The following GUCY2F variants were observed in gnomAD, a reference collection of about 807,000 sequenced individuals.
The protein encoded by GUCY2F is retinal guanylyl cyclase 2.
GUCY2F carries 61 observed loss-of-function variants against 73.1 expected under a neutral mutation model. That is an observed-to-expected ratio of 0.83 (90% CI 0.68 to 1.03). The LOEUF is 1.03. Among genes scored for constraint, GUCY2F ranks in the 50% least tolerant of loss-of-function variants. The probability of loss-of-function intolerance (pLI) is 0.00; values close to 1 mark genes in which losing one functional copy is unlikely to be tolerated. For synonymous variants in GUCY2F, 331 were observed against 307.8 expected (o/e 1.08, Z -0.79); for missense variants, 912 against 854.3 (o/e 1.07, Z -0.84).
In GUCY2F at chrX:109,385,474, T is replaced by C. The variant is rs111251532; in HGVS notation, c.2957-192A>G. On this transcript the variant is annotated intron_variant, in intron 15 of 19. Coordinates refer to ENST00000218006, the MANE Select transcript of GUCY2F (RefSeq NM_001522.3). ...CTACAAGAAAGCAAATTTATAACAA[T>C]GCAGACATGACTGCCCTTCTGATGT... 2.4e-3 allele frequency among the ~76,000 whole-genome samples: 267 copies of C among 112,581 alleles called. 6 individuals carry two copies. The East Asian group carries it at 0.053, about 22-fold the overall frequency.
At position 109,453,638 on chromosome X, in the gene GUCY2F, G is replaced by GA; in HGVS notation, c.1253dup (p.His419ProfsTer2). 1 of 1,200,451 alleles carries GA rather than the reference G, an allele frequency of 8.3e-7. No homozygotes were observed. The highest frequency in any genetic ancestry group is 3.0e-5 in the East Asian group (1 of 33,781). On this transcript the variant is annotated frameshift_variant, in exon 4 of 20. Transcript: ENST00000218006. LOFTEE classifies it high-confidence loss of function. ...CCATGTCCACAGTGTAGGTGCTATG[G>GA]AGTTCCCATTCTTTCAAGTTGGTGT...
chrX:109,416,620 C>A (rs1323358461), intron 8 of GUCY2F, among the ~76,000 whole-genome samples: 1 of 110,385 alleles, frequency 9.1e-6, no homozygotes, highest in Non-Finnish European at 1.9e-5. Context: ...GTGGTCAAAA[C>A]CTTTGTGAAT....
intron 14 of GUCY2F, 121 bp downstream of exon 14, chrX:109,391,790 T>C (rs775362909): frequency 3.2e-5 from 13 of 404,802 alleles, no homozygotes; most frequent in African/African-American, 3.1e-4. Context: ...GTGTACTATT[T>C]AATTTGTTAT....
rs151269049 is a variant in GUCY2F, at chrX:109,453,584, G to T, written c.1308C>A (p.Thr436=). Residue 436 remains threonine (T), a synonymous_variant, in exon 4 of 20, where the codon ACC becomes ACA. Coordinates refer to ENST00000218006, the MANE Select transcript of GUCY2F (RefSeq NM_001522.3). ...MEMELLRFGG[T]PIHFPGGRPP... Reference sequence around the variant, plus strand: ...GCCTGCCACCAGGGAAGTGAATAGGGGTCCCTCCGAAACGTAGCAGCTCCA... The same window carrying T: ...GCCTGCCACCAGGGAAGTGAATAGGTGTCCCTCCGAAACGTAGCAGCTCCA... 8.3e-7 allele frequency: 1 copy of T among 1,209,220 alleles called. No individual in the cohort carries two copies. Among genetic ancestry groups the T allele is most frequent in the Non-Finnish European group, 1.1e-6 (1 of 893,475 alleles).
chrX:109,395,441 A>G lies in GUCY2F; in HGVS notation c.2324T>C (p.Val775Ala), dbSNP rs1930683553. The change falls in exon 12 of 20, where the codon GTT becomes GCT. Residue 775 changes from valine (V) to alanine (A), a missense_variant. Val to Ala is a moderately conservative substitution (Grantham distance 64). Coordinates refer to ENST00000218006, the MANE Select transcript of GUCY2F (RefSeq NM_001522.3). ...TTCTGGAGGGGCATGCTCAGGAGGA[A>G]CTACTGGTCTGTACACAGGAGGAGG... Reference protein sequence around the residue: ...KKPPPVYRPVVPPEHAPPECL... With the variant: ...KKPPPVYRPVAPPEHAPPECL... The G allele has an allele frequency of 1.1e-5, 13 of 1,197,208 alleles. No individual in the cohort carries two copies. In the East Asian group the frequency reaches 3.6e-4, roughly 33 times the overall value.
intron 7 of GUCY2F, among the ~76,000 whole-genome samples, chrX:109,439,291 T>C (rs1323704750): frequency 9.0e-6 from 1 of 111,718 alleles, no homozygotes; most frequent in African/African-American, 3.3e-5. Flanking sequence ...AGTTTGACCC[T>C]CAAGGCCCCG....
rs190614976 is a variant in GUCY2F, at chrX:109,467,736, C to T, written c.731-2293G>A. ...ATCCTCTCAGTAGTGTGCTGGGGTTCGCTTTTGCTGGTTCAACTTTCAGAG... is the reference window on the plus strand; with the variant it reads ...ATCCTCTCAGTAGTGTGCTGGGGTTTGCTTTTGCTGGTTCAACTTTCAGAG... On this transcript the variant is annotated intron_variant, in intron 2 of 19. Coordinates refer to ENST00000218006, the MANE Select transcript of GUCY2F (RefSeq NM_001522.3). Among the ~76,000 whole-genome samples, 5 of 112,010 alleles carry T rather than the reference C, an allele frequency of 4.5e-5. No homozygotes were observed. In the East Asian group the frequency reaches 1.4e-3, roughly 32 times the overall value.
chrX:109,464,569 T>C (rs1195282617), intron 3 of GUCY2F, among the ~76,000 whole-genome samples: 1 of 111,965 alleles, frequency 8.9e-6, no homozygotes, highest in Non-Finnish European at 1.9e-5. Flanking sequence ...AAGAAGCAAA[T>C]GCTCTGCTGT....
intron 1 of GUCY2F, among the ~76,000 whole-genome samples, chrX:109,476,855 ATG>A (rs761161461): frequency 1.4e-4 from 15 of 109,670 alleles, no homozygotes; most frequent in African/African-American, 3.0e-4. Flanking sequence ...GTATATATGT[ATG>A]TGTGTGTGTG....
At chrX:109,380,221 T>G (rs923799604) in intron 17 of GUCY2F, among the ~76,000 whole-genome samples, 3 of 112,188 alleles carry the variant, frequency 2.7e-5, no homozygotes, top group Non-Finnish European at 5.6e-5. Flanking sequence ...ATGTGATATT[T>G]CTGCCCCATG....
intron 9 of GUCY2F, among the ~76,000 whole-genome samples, chrX:109,408,550 C>T (rs956059952): frequency 8.9e-6 from 1 of 112,183 alleles, no homozygotes; most frequent in Non-Finnish European, 1.9e-5. Flanking sequence ...GCTGTGTCCC[C>T]ACCCAAATCT....
intron 2 of GUCY2F, among the ~76,000 whole-genome samples, chrX:109,474,414 G>A (rs767330141): frequency 1.1e-3 from 128 of 111,614 alleles, no homozygotes; most frequent in South Asian, 2.2e-3. Flanking sequence ...ATAAGTGTGA[G>A]TAAAAGAGAT....
At position 109,404,313 on chromosome X, in the gene GUCY2F, C is replaced by A. The variant is rs752806807; in HGVS notation, c.2125+15G>T. On this transcript the variant is annotated intron_variant, in intron 10 of 19. Coordinates refer to ENST00000218006, the MANE Select transcript of GUCY2F (RefSeq NM_001522.3). The stretch of plus-strand genomic sequence containing the variant: ...TTACCTCGTGTGCATCAGAAGGGTA[C>A]AATTCATTGCTTACCTTCCATAGAA... The A allele has an allele frequency of 4.3e-6, 5 of 1,153,594 alleles. No homozygotes were observed. The highest frequency in any genetic ancestry group is 2.2e-5 in the Admixed American group (1 of 44,516).
chrX:109,383,071 G>A (rs1930355969), intron 16 of GUCY2F, among the ~76,000 whole-genome samples: 1 of 111,331 alleles, frequency 9.0e-6, no homozygotes, highest in Non-Finnish European at 1.9e-5. Context: ...GAGTAGGAAG[G>A]CATGGCGGGA....
chrX:109,395,514 G>A lies in GUCY2F; in HGVS notation c.2276-25C>T, dbSNP rs183734235. 474 of 1,162,606 alleles carry A rather than the reference G, an allele frequency of 4.1e-4. 4 individuals are homozygous for A. The African/African-American group carries it at 7.0e-3, about 17-fold the overall frequency. Reference sequence around the variant, plus strand: ...TCTGTCCAGATGCGAGAAGAGAACCGTTTACAAATCATGGAAAAAATGACC... The same window carrying A: ...TCTGTCCAGATGCGAGAAGAGAACCATTTACAAATCATGGAAAAAATGACC... On this transcript the variant is annotated intron_variant, in intron 11 of 19. Coordinates refer to ENST00000218006, the MANE Select transcript of GUCY2F (RefSeq NM_001522.3).
In GUCY2F at chrX:109,465,345, C is replaced by G; in HGVS notation, c.829G>C (p.Val277Leu). 1.7e-6 allele frequency: 2 copies of G among 1,198,004 alleles called. No homozygotes were observed. Residue 277 changes from valine (V) to leucine (L), a missense_variant, in exon 3 of 20, where the codon GTC becomes CTC. Physicochemically the swap from Val to Leu is conservative, Grantham distance 32. Transcript: ENST00000218006. ...AGCAGGGCATCATAAGGAACAAAGA[C>G]GTAGGTTCCATCAGTCATTTTCAGA... is the stretch of plus-strand genomic sequence containing the variant. ...HDLKMTDGTYVFVPYDALLYS... is the reference protein window; with the variant it reads ...HDLKMTDGTYLFVPYDALLYS...
intron 10 of GUCY2F, among the ~76,000 whole-genome samples, chrX:109,402,144 G>C (rs891213195): frequency 5.4e-5 from 6 of 111,431 alleles, no homozygotes; most frequent in African/African-American, 2.0e-4. Flanking sequence ...AGTGTGTGAA[G>C]AATGGACTGA....
At chrX:109,408,168 G>A (rs145574789) in intron 9 of GUCY2F, among the ~76,000 whole-genome samples, 196 of 112,694 alleles carry the variant, frequency 1.7e-3, no homozygotes, top group Non-Finnish European at 2.3e-3. Flanking sequence ...TTGCATCAGC[G>A]TGACCTGGAT....
chrX:109,450,868 T>C (rs1052011681), intron 5 of GUCY2F, among the ~76,000 whole-genome samples: 2 of 112,141 alleles, frequency 1.8e-5, no homozygotes, highest in African/African-American at 6.5e-5. Context: ...ATATCAGAGC[T>C]GGGAGGGCTC....
Sources: gnomAD v4.1 joint callset for allele counts (sites outside exome capture counted in the v4.1 genomes callset) on GRCh38, gnomAD v4.1.1 for gene constraint, MANE v1.5 for transcripts, NCBI Gene and HGNC (gene_info 2026-07-23, HGNC 2026-07-21) for gene names.